NUP93: variants seen among roughly 807,000 people sequenced by gnomAD.
NUP93 encodes the protein nucleoporin 93.
A neutral mutation model predicts 107.8 loss-of-function variants in NUP93; 55 were observed. The ratio of observed to expected loss-of-function variants is 0.51; its 90% CI spans 0.41 to 0.64. NUP93 has a LOEUF of 0.64. Among genes scored for constraint, NUP93 ranks in the 30% least tolerant of loss-of-function variants. The probability of loss-of-function intolerance (pLI) is 0.00; values close to 1 mark genes in which losing one functional copy is unlikely to be tolerated. For missense variants in NUP93, 937 were observed against 1,044.7 expected (o/e 0.90, Z 1.42); for synonymous variants, 390 against 397.5 (o/e 0.98, Z 0.22).
intron 3 of NUP93, among the ~76,000 whole-genome samples, chr16:56,785,135 A>G (rs1962597871): frequency 6.6e-6 from 1 of 152,230 alleles, no homozygotes; most frequent in Non-Finnish European, 1.5e-5. Context: ...CCTTGAAATG[A>G]AAGAGTTTTA....
In NUP93 at chr16:56,794,657, G is replaced by A. The variant is rs928464506; in HGVS notation, c.298-3819G>A. Among the ~76,000 whole-genome samples the A allele has an allele frequency of 7.2e-4, 110 of 152,108 alleles. 2 individuals are homozygous for A. Among genetic ancestry groups the A allele is most frequent in the Non-Finnish European group, 3.8e-4 (26 of 67,980 alleles). On this transcript the variant is annotated intron_variant, in intron 3 of 21. Coordinates refer to ENST00000308159, the MANE Select transcript of NUP93 (RefSeq NM_014669.5). The stretch of plus-strand genomic sequence containing the variant: ...TAAAAGAATGGGATAGGCTGGGCGC[G>A]GTGGCTCATGCCTGTAATCCCAGCA...
At chr16:56,799,536 C>T (rs1962975990) in intron 4 of NUP93, among the ~76,000 whole-genome samples, 2 of 152,174 alleles carry the variant, frequency 1.3e-5, no homozygotes, top group African/African-American at 4.8e-5. Context: ...GCTAGTTGTC[C>T]TGTGGAATTG....
chr16:56,823,904 C>T lies in NUP93; in HGVS notation c.794+58C>T, dbSNP rs185806281. On this transcript the variant is annotated intron_variant, in intron 8 of 21. Coordinates refer to ENST00000308159, the MANE Select transcript of NUP93 (RefSeq NM_014669.5). ...TCACATCCTTTGCAGTCAACTGTTT[C>T]TCAGATCTTAAGTTGTCCTCAGGCT... The T allele has an allele frequency of 5.7e-6, 9 of 1,588,522 alleles. No individual in the cohort carries two copies. The Admixed American group carries it at 1.5e-4, about 27-fold the overall frequency.
At chr16:56,781,802 A>G in intron 3 of NUP93, 1 of 983,854 alleles carries the variant, frequency 1.0e-6, no homozygotes, top group Non-Finnish European at 1.2e-6. Context: ...CGTTAACAAT[A>G]AAATACCCTT....
At chr16:56,786,806 G>A (rs1430321811) in intron 3 of NUP93, among the ~76,000 whole-genome samples, 1 of 152,178 alleles carries the variant, frequency 6.6e-6, no homozygotes, top group African/African-American at 2.4e-5. Context: ...TTAACTCTAG[G>A]TTTGAGGGGT....
chr16:56,816,526 G>A (rs1421971174), intron 5 of NUP93, among the ~76,000 whole-genome samples: 2 of 152,188 alleles, frequency 1.3e-5, no homozygotes, highest in Non-Finnish European at 2.9e-5. Flanking sequence ...GGCTGCAGGA[G>A]CTCTAGACAT....
chr16:56,770,033 A>G (rs1962291449), intron 3 of NUP93, among the ~76,000 whole-genome samples: 1 of 152,250 alleles, frequency 6.6e-6, no homozygotes. Flanking sequence ...CACGTCTAAG[A>G]GTATAAAAGT....
chr16:56,842,555 C>CTTTT, intron 21 of NUP93: 1 of 418,850 alleles, frequency 2.4e-6, no homozygotes, highest in South Asian at 1.7e-5. Flanking sequence ...ATGGTGTTTG[C>CTTTT]TTTTTTTTTT....
chr16:56,770,177 G>GAA (rs1265215868), intron 3 of NUP93, among the ~76,000 whole-genome samples: 41 of 152,212 alleles, frequency 2.7e-4, no homozygotes, highest in Middle Eastern at 6.3e-3. Flanking sequence ...AGGGAAGGGA[G>GAA]AAGGGGTGTC....
chr16:56,829,229 G>T, intron 9 of NUP93, 120 bp downstream of exon 9: 1 of 1,253,240 alleles, frequency 8.0e-7, no homozygotes, highest in Non-Finnish European at 1.1e-6. Flanking sequence ...GGACCAGAGA[G>T]GGGTGAGGAC....
intron 19 of NUP93, 44 bp from the exon 20 acceptor site, chr16:56,839,477 C>A: frequency 1.3e-6 from 2 of 1,487,392 alleles, no homozygotes; most frequent in Non-Finnish European, 1.8e-6. Flanking sequence ...GATGAAATGA[C>A]TGTGATGGTT....
chr16:56,832,142 A>G, intron 11 of NUP93, 135 bp downstream of exon 11: 2 of 1,253,284 alleles, frequency 1.6e-6, no homozygotes, highest in Non-Finnish European at 1.1e-6. Flanking sequence ...TCCTGTCCCC[A>G]TTTTTTGTTG....
chr16:56,830,458 G>C, intron 9 of NUP93, 70 bp from the exon 10 acceptor site: 1 of 1,418,810 alleles, frequency 7.0e-7, no homozygotes, highest in Non-Finnish European at 9.5e-7. Flanking sequence ...GGCTTAGCTC[G>C]GTTTTAGCAC....
chr16:56,842,798 C>T, intron 21 of NUP93: 1 of 332,720 alleles, frequency 3.0e-6, no homozygotes, highest in South Asian at 2.3e-5. Flanking sequence ...AGAGATCCCC[C>T]AACCTCGGCC....
chr16:56,768,259 G>A (rs563455084), intron 3 of NUP93, among the ~76,000 whole-genome samples: 165 of 152,270 alleles, frequency 1.1e-3, no homozygotes, highest in African/African-American at 2.9e-3. Flanking sequence ...TAGTACCAGA[G>A]ACACATTACG....
rs536334391 is a variant in NUP93 at position 56,810,380 on chromosome 16, G to C, written c.489+4748G>C. Among the ~76,000 whole-genome samples the C allele has an allele frequency of 8.5e-5, 13 of 152,322 alleles. No homozygotes were observed. In the South Asian group the frequency reaches 2.5e-3, roughly 29 times the overall value. On this transcript the variant is annotated intron_variant, in intron 5 of 21. Transcript: ENST00000308159. ...GCAGTGGCTTATGCCTGTAATTCCA[G>C]CATTTTGGGAGGCTGAGGCAGGAGG...
At chr16:56,764,007 T>C (rs1962175658) in intron 3 of NUP93, among the ~76,000 whole-genome samples, 1 of 152,210 alleles carries the variant, frequency 6.6e-6, no homozygotes, top group African/African-American at 2.4e-5. Flanking sequence ...CTGAACTATA[T>C]ATCATATGTA....
intron 9 of NUP93, 43 bp from the exon 10 acceptor site, chr16:56,830,485 C>T: frequency 6.6e-7 from 1 of 1,511,622 alleles, no homozygotes; most frequent in Non-Finnish European, 8.9e-7. Context: ...AAGCAGTCAG[C>T]CTTTCCTTGT....
intron 5 of NUP93, among the ~76,000 whole-genome samples, chr16:56,811,427 A>G (rs796154458): frequency 2.6e-5 from 4 of 152,310 alleles, no homozygotes; most frequent in East Asian, 1.9e-4. Flanking sequence ...AGACTACACA[A>G]TGTAAAAGGC....
Sources: gnomAD v4.1 joint callset for allele counts (sites outside exome capture counted in the v4.1 genomes callset) on GRCh38, gnomAD v4.1.1 for gene constraint, MANE v1.5 for transcripts, NCBI Gene and HGNC (gene_info 2026-07-23, HGNC 2026-07-21) for gene names.